STXBP5L: variants seen among roughly 807,000 people sequenced by gnomAD.
The protein encoded by STXBP5L is syntaxin-binding protein 5-like.
In STXBP5L, 65 loss-of-function variants were observed where a neutral mutation model predicts 144.5. The observed-to-expected ratio is 0.45, with a 90% confidence interval of 0.37 to 0.55. The LOEUF (loss-of-function observed/expected upper bound fraction) is 0.55, where lower values mean the gene tolerates loss of function less well. Ranked by LOEUF, STXBP5L falls within the 20% of genes least tolerant of loss-of-function variation. The pLI, the probability that STXBP5L is intolerant of heterozygous loss-of-function variation, is 0.00. For synonymous variants in STXBP5L, 505 were observed against 469.6 expected, an observed-to-expected ratio of 1.08 and a Z score of -0.97; for missense variants, 1,298 against 1,405.5, an observed-to-expected ratio of 0.92 and a Z score of 1.22.
intron 5 of STXBP5L, among the ~76,000 whole-genome samples, chr3:121,087,655 A>G (rs2042562366): frequency 6.6e-6 from 1 of 152,038 alleles, no homozygotes; most frequent in Admixed American, 6.6e-5. Flanking sequence ...ATTAATGTTT[A>G]CATTAGATAT....
intron 19 of STXBP5L, among the ~76,000 whole-genome samples, chr3:121,281,821 T>A (rs574360147): frequency 6.6e-6 from 1 of 152,012 alleles, no homozygotes; most frequent in Admixed American, 6.6e-5. Context: ...ATTATAACAA[T>A]GAAGTATTAA....
chr3:121,139,233 A>G (rs1225894819), intron 7 of STXBP5L, among the ~76,000 whole-genome samples: 2 of 152,070 alleles, frequency 1.3e-5, no homozygotes, highest in Non-Finnish European at 2.9e-5. Context: ...GAAGGAGAAG[A>G]TTTTGAATGT....
intron 19 of STXBP5L, among the ~76,000 whole-genome samples, chr3:121,314,553 C>T (rs1213957118): frequency 1.4e-5 from 2 of 145,106 alleles, no homozygotes; most frequent in Non-Finnish European, 1.5e-5. Context: ...CAGTACCGTC[C>T]AGCTTTGGCT....
chr3:120,958,515 T>TACTC (rs200729568), intron 3 of STXBP5L, among the ~76,000 whole-genome samples: 1 of 151,240 alleles, frequency 6.6e-6, no homozygotes, highest in African/African-American at 2.4e-5. Flanking sequence ...CTCAATATAA[T>TACTC]ACAAACCGAA....
At chr3:121,335,481 C>G (rs1031587858) in intron 20 of STXBP5L, among the ~76,000 whole-genome samples, 2 of 152,046 alleles carry the variant, frequency 1.3e-5, no homozygotes, top group African/African-American at 4.8e-5. Context: ...AAAAAGAGCC[C>G]AAATAACCAA....
chr3:120,935,652 G>C (rs1216614293), intron 2 of STXBP5L, among the ~76,000 whole-genome samples: 1 of 152,026 alleles, frequency 6.6e-6, no homozygotes, highest in Non-Finnish European at 1.5e-5. Context: ...TTCTAGGTTG[G>C]TGTGGTGTTT....
At chr3:121,303,764 A>T (rs1295878067) in intron 19 of STXBP5L, among the ~76,000 whole-genome samples, 1 of 152,166 alleles carries the variant, frequency 6.6e-6, no homozygotes, top group East Asian at 1.9e-4. Context: ...CATTCTCAGC[A>T]AACTATCGCA....
chr3:121,185,027 C>T (rs999835478), intron 9 of STXBP5L, among the ~76,000 whole-genome samples: 1 of 152,144 alleles, frequency 6.6e-6, no homozygotes, highest in Non-Finnish European at 1.5e-5. Flanking sequence ...ATTGCCACCA[C>T]CAGGCCTGCT....
At chr3:121,343,846 G>T (rs2044834487) in intron 20 of STXBP5L, among the ~76,000 whole-genome samples, 1 of 152,088 alleles carries the variant, frequency 6.6e-6, no homozygotes, top group Admixed American at 6.6e-5. Flanking sequence ...TAGATTCAAT[G>T]CCATCCCCAT....
At chr3:121,245,052 T>TCAA (rs2049801276) in intron 14 of STXBP5L, among the ~76,000 whole-genome samples, 1 of 152,136 alleles carries the variant, frequency 6.6e-6, no homozygotes, top group Admixed American at 6.5e-5. Context: ...ATTTTAAAGA[T>TCAA]GGTGGATAAA....
intron 18 of STXBP5L, among the ~76,000 whole-genome samples, chr3:121,261,527 A>G (rs959677092): frequency 6.6e-6 from 1 of 152,190 alleles, no homozygotes. Context: ...CCCAACCAAA[A>G]TATAGATAAA....
chr3:121,140,679 T>A (rs886638050), intron 7 of STXBP5L, among the ~76,000 whole-genome samples: 2 of 152,236 alleles, frequency 1.3e-5, no homozygotes, highest in Non-Finnish European at 2.9e-5. Flanking sequence ...TGTGGAATTT[T>A]AAAAAATTGA....
At chr3:121,104,455 A>G (rs2107791812) in intron 5 of STXBP5L, among the ~76,000 whole-genome samples, 1 of 152,350 alleles carries the variant, frequency 6.6e-6, no homozygotes, top group Middle Eastern at 3.4e-3. Flanking sequence ...GACTAAGCAA[A>G]AAGAACAAAT....
intron 19 of STXBP5L, among the ~76,000 whole-genome samples, chr3:121,306,577 A>G (rs2043344431): frequency 6.6e-6 from 1 of 152,166 alleles, no homozygotes; most frequent in South Asian, 2.1e-4. Context: ...AGAGAGCTTC[A>G]AAGCCCTCCC....
At chr3:121,069,462 C>T (rs899285779) in intron 5 of STXBP5L, among the ~76,000 whole-genome samples, 3 of 151,384 alleles carry the variant, frequency 2.0e-5, no homozygotes, top group African/African-American at 7.3e-5. Flanking sequence ...CATTTGTGTG[C>T]AAGTATGTTT....
intron 3 of STXBP5L, among the ~76,000 whole-genome samples, chr3:121,024,779 G>A (rs1309694885): frequency 1.3e-5 from 2 of 151,974 alleles, no homozygotes; most frequent in Admixed American, 1.3e-4. Flanking sequence ...ATAAACACAA[G>A]TATATAGATT....
chr3:121,076,690 G>A (rs2042032328), intron 5 of STXBP5L, among the ~76,000 whole-genome samples: 1 of 152,186 alleles, frequency 6.6e-6, no homozygotes, highest in Non-Finnish European at 1.5e-5. Flanking sequence ...GAGATGGCCA[G>A]TCTATCTCAC....
At chr3:121,063,663 C>T (rs1041953475) in intron 5 of STXBP5L, among the ~76,000 whole-genome samples, 1 of 152,220 alleles carries the variant, frequency 6.6e-6, no homozygotes. Context: ...ACTGGGGCTG[C>T]TGCCTTTCTT....
intron 2 of STXBP5L, among the ~76,000 whole-genome samples, chr3:120,932,977 C>G (rs893528704): frequency 1.4e-5 from 2 of 143,344 alleles, no homozygotes; most frequent in Non-Finnish European, 1.5e-5. Flanking sequence ...TGTTCTCACT[C>G]ATAGGTAGGA....
Sources: allele counts gnomAD v4.1 joint callset (sites outside exome capture counted in the v4.1 genomes callset), GRCh38; gene constraint gnomAD v4.1.1; transcripts MANE v1.5; gene names NCBI Gene and HGNC (gene_info 2026-07-23, HGNC 2026-07-21).